The following PTPRK variants were observed in gnomAD, a reference collection of about 807,000 sequenced individuals.
PTPRK encodes receptor-type tyrosine-protein phosphatase kappa.
A neutral mutation model predicts 178.0 loss-of-function variants in PTPRK; 75 were observed. That is an observed-to-expected ratio of 0.42 (90% confidence interval 0.35 to 0.51). The LOEUF (loss-of-function observed/expected upper bound fraction) is 0.51. Among genes scored for constraint, PTPRK ranks in the 20% least tolerant of loss-of-function variants. The probability of loss-of-function intolerance (pLI) is 0.02; values close to 1 mark genes in which losing one functional copy is unlikely to be tolerated. For synonymous variants in PTPRK, 637 were observed against 620.6 expected, an observed-to-expected ratio of 1.03 and a Z score of -0.39; for missense variants, 1,441 against 1,797.8, an observed-to-expected ratio of 0.80 and a Z score of 3.59.
chr6:128,498,885 G>A (rs532296268), intron 1 of PTPRK, among the ~76,000 whole-genome samples: 2 of 152,044 alleles, frequency 1.3e-5, no homozygotes, highest in African/African-American at 2.4e-5. Flanking sequence ...GTTGATTGGA[G>A]GTTTTGTGTA....
intron 3 of PTPRK, among the ~76,000 whole-genome samples, chr6:128,246,418 C>T (rs1227515554): frequency 6.6e-6 from 1 of 151,002 alleles, no homozygotes; most frequent in Admixed American, 6.6e-5. Context: ...TAAAAGGAGG[C>T]AAAATAATTG....
In PTPRK at chr6:128,015,376, T is replaced by G. The variant is rs1252130015; in HGVS notation, c.2195-6108A>C. Among the ~76,000 whole-genome samples, 3 of 151,772 alleles carry G rather than the reference T, an allele frequency of 2.0e-5. No homozygotes were observed. The East Asian group carries it at 5.8e-4, about 29-fold the overall frequency. On this transcript the variant is annotated intron_variant, in intron 13 of 29. Transcript: ENST00000368226. ...TCAATTAGGTAAAATAGAGCGTTAG[T>G]GCACTGTCTTACTTCTTAAACACAG...
intron 2 of PTPRK, among the ~76,000 whole-genome samples, chr6:128,327,351 A>C (rs943014155): frequency 2.0e-5 from 3 of 152,176 alleles, no homozygotes; most frequent in African/African-American, 7.2e-5. Context: ...GTCAGTTCTT[A>C]TTTAAAATCT....
chr6:128,170,379 T>C (rs1800057366), intron 7 of PTPRK, among the ~76,000 whole-genome samples: 1 of 152,084 alleles, frequency 6.6e-6, no homozygotes, highest in African/African-American at 2.4e-5. Context: ...CCTACTTTAC[T>C]AGGAGACAAT....
rs1015019416 is a variant in PTPRK, at chr6:127,982,711, T to C, written c.3537+120A>G. On this transcript the variant is annotated intron_variant, in intron 24 of 29. Transcript: ENST00000368226. Reference sequence around the variant, plus strand: ...TATGTATAATGAAAGAGATACGTATTGTATTTAAAACAGGATCAAAGGTTA... The same window carrying C: ...TATGTATAATGAAAGAGATACGTATCGTATTTAAAACAGGATCAAAGGTTA... 2.7e-5 allele frequency: 21 copies of C among 786,780 alleles called. No homozygotes were observed. In the African/African-American group the frequency reaches 3.6e-4, roughly 14 times the overall value. 48.7% of individuals were successfully genotyped at this position (786,780 alleles called of 1,614,324 possible).
Position 127,990,821 on chromosome 6 carries a change from A to G in PTPRK, c.3044T>C (p.Val1015Ala), listed in dbSNP as rs766681454. 1.9e-6 allele frequency: 3 copies of G among 1,612,280 alleles called. No homozygotes were observed. Among genetic ancestry groups the G allele is most frequent in the Non-Finnish European group, 2.5e-6 (3 of 1,178,638 alleles). The change falls in exon 21 of 30, where the codon GTA becomes GCA. Residue 1015 changes from valine (V) to alanine (A), a missense_variant. Around this residue, in one of 4 missense-constraint regions of PTPRK, gnomAD observed 945 missense variants for 1,080.6 expected, o/e 0.87. Coordinates refer to ENST00000368226, the MANE Select transcript of PTPRK (RefSeq NM_002844.4). ...ATATTCAGCAAGTGGTTCCATTTCT[A>G]CACACGTTACTTTGAAGTCACCATA... The part of the protein sequence containing the change: ...EVYGDFKVTC[V>A]EMEPLAEYVV...
chr6:128,502,601 C>G (rs1008764765), intron 1 of PTPRK, among the ~76,000 whole-genome samples: 1 of 152,116 alleles, frequency 6.6e-6, no homozygotes, highest in African/African-American at 2.4e-5. Flanking sequence ...CAGCCTATAC[C>G]AGCTCCTGAA....
chr6:128,496,613 A>C (rs1007840052), intron 1 of PTPRK, among the ~76,000 whole-genome samples: 8 of 152,228 alleles, frequency 5.3e-5, no homozygotes, highest in Admixed American at 1.3e-4. Flanking sequence ...TCAGAAAGAC[A>C]GTCATGTTTG....
At chr6:128,116,704 T>G (rs1791581604) in intron 7 of PTPRK, among the ~76,000 whole-genome samples, 1 of 152,212 alleles carries the variant, frequency 6.6e-6, no homozygotes, top group African/African-American at 2.4e-5. Flanking sequence ...AATAACCAGG[T>G]GAACATTGGC....
chr6:128,186,441 C>T (rs980791469), intron 6 of PTPRK, among the ~76,000 whole-genome samples: 2 of 151,984 alleles, frequency 1.3e-5, no homozygotes, highest in African/African-American at 4.8e-5. Context: ...ATAACATATG[C>T]TATATGAAGT....
intron 2 of PTPRK, among the ~76,000 whole-genome samples, chr6:128,389,744 T>C (rs2128362996): frequency 6.6e-6 from 1 of 151,922 alleles, no homozygotes; most frequent in East Asian, 1.9e-4. Context: ...TTTTATTTCC[T>C]TTTTTTTAAT....
chr6:128,467,957 T>C (rs933591903), intron 1 of PTPRK, among the ~76,000 whole-genome samples: 3 of 152,188 alleles, frequency 2.0e-5, no homozygotes, highest in Non-Finnish European at 2.9e-5. Context: ...TTAAAATTCT[T>C]AAAATTCCAT....
chr6:128,352,181 G>A (rs926250282), intron 2 of PTPRK, among the ~76,000 whole-genome samples: 10 of 150,092 alleles, frequency 6.7e-5, no homozygotes, highest in Non-Finnish European at 1.2e-4. Flanking sequence ...TTGAACCCAG[G>A]AGGTGAAGAT....
chr6:128,079,385 T>C (rs558753608), intron 10 of PTPRK, among the ~76,000 whole-genome samples: 1 of 152,158 alleles, frequency 6.6e-6, no homozygotes, highest in African/African-American at 2.4e-5. Flanking sequence ...AGTACTCTTA[T>C]GCTAATGTGT....
intron 1 of PTPRK, among the ~76,000 whole-genome samples, chr6:128,461,419 GCA>G (rs1849034113): frequency 1.3e-5 from 2 of 152,100 alleles, no homozygotes; most frequent in South Asian, 4.2e-4. Flanking sequence ...AATAAATTTT[GCA>G]CACACACCAA....
At chr6:128,011,829 G>A (rs762066693) in intron 13 of PTPRK, among the ~76,000 whole-genome samples, 4 of 151,000 alleles carry the variant, frequency 2.6e-5, no homozygotes, top group South Asian at 2.1e-4. Context: ...AAACTAAAAC[G>A]CTTGCAGGTA....
chr6:128,407,631 AT>A (rs1841822323), intron 1 of PTPRK, among the ~76,000 whole-genome samples: 1 of 127,518 alleles, frequency 7.8e-6, no homozygotes, highest in Non-Finnish European at 1.6e-5. Flanking sequence ...GCAAGACCCT[AT>A]CAAAAAAAAA....
chr6:128,083,833 C>A lies in PTPRK; in HGVS notation c.1466-9G>T. On this transcript the variant is annotated splice_polypyrimidine_tract_variant and intron_variant, in intron 8 of 29. Transcript: ENST00000368226. Reference sequence around the variant, plus strand: ...TGGTACGGGACCAGGCACTACAAAACACATGAATTTTTTGTTATGAAAATG... The same window carrying A: ...TGGTACGGGACCAGGCACTACAAAAAACATGAATTTTTTGTTATGAAAATG... 6.7e-7 allele frequency: 1 copy of A among 1,496,748 alleles called. No individual in the cohort carries two copies. Among genetic ancestry groups the A allele is most frequent in the Non-Finnish European group, 9.0e-7 (1 of 1,106,700 alleles). The allele number at this position is 1,496,748 out of a possible 1,614,324, so 92.7% of individuals were successfully genotyped here.
chr6:128,217,329 T>C (rs1809510661), intron 6 of PTPRK, among the ~76,000 whole-genome samples: 1 of 151,480 alleles, frequency 6.6e-6, no homozygotes, highest in African/African-American at 2.4e-5. Context: ...CTGAAAATAG[T>C]CGTATTTAAT....
Sources: allele counts gnomAD v4.1 joint callset (sites outside exome capture counted in the v4.1 genomes callset), GRCh38; gene constraint gnomAD v4.1.1; regional missense constraint gnomAD v4.1.1; transcripts MANE v1.5; gene names NCBI Gene and HGNC (gene_info 2026-07-23, HGNC 2026-07-21).